The following GEN1 variants were observed in gnomAD, a reference collection of about 807,000 sequenced individuals.
GEN1 encodes the protein flap endonuclease GEN homolog 1.
In GEN1, 64 loss-of-function variants were observed where a neutral mutation model predicts 67.6. That is an observed-to-expected ratio of 0.95 (90% CI 0.77 to 1.17). GEN1 has a LOEUF of 1.17. Among genes scored for constraint, GEN1 ranks in the 50% most tolerant of loss-of-function variants. The pLI, the probability that GEN1 is intolerant of heterozygous loss-of-function variation, is 0.00. For missense variants in GEN1, 1,058 were observed against 1,048.3 expected, an observed-to-expected ratio of 1.01 and a Z score of -0.13; for synonymous variants, 371 against 359.4, an observed-to-expected ratio of 1.03 and a Z score of -0.37.
chr2:17,774,448 T>TC (rs778439235), intron 11 of GEN1, 47 bp downstream of exon 11: 1 of 1,462,718 alleles, frequency 6.8e-7, no homozygotes, highest in Non-Finnish European at 9.2e-7. Flanking sequence ...TACTTGAGTA[T>TC]TTTATAATTA....
intron 7 of GEN1, among the ~76,000 whole-genome samples, chr2:17,772,223 A>G (rs1030384010): frequency 6.6e-6 from 1 of 152,014 alleles, no homozygotes; most frequent in South Asian, 2.1e-4. Flanking sequence ...CTTTTAATAC[A>G]CTCGTTAAAG....
At chr2:17,769,903 A>G (rs2125139192) in intron 6 of GEN1, among the ~76,000 whole-genome samples, 1 of 152,294 alleles carries the variant, frequency 6.6e-6, no homozygotes, top group Non-Finnish European at 1.5e-5. Flanking sequence ...CGAGATGGCA[A>G]GTGCCTGAAA....
At chr2:17,779,183 A>G (rs1172587241) in intron 12 of GEN1, among the ~76,000 whole-genome samples, 1 of 152,210 alleles carries the variant, frequency 6.6e-6, no homozygotes, top group Non-Finnish European at 1.5e-5. Flanking sequence ...TCGGCCTCCC[A>G]AAGTGCTGGG....
chr2:17,763,697 CAAG>C (rs1273125781), intron 3 of GEN1, among the ~76,000 whole-genome samples: 1 of 152,164 alleles, frequency 6.6e-6, no homozygotes, highest in African/African-American at 2.4e-5. Context: ...GCAAATAGTA[CAAG>C]AAGTTGAAAT....
intron 3 of GEN1, among the ~76,000 whole-genome samples, chr2:17,763,406 C>T (rs1403366534): frequency 6.6e-6 from 1 of 152,182 alleles, no homozygotes; most frequent in Non-Finnish European, 1.5e-5. Flanking sequence ...AAGAAAATTG[C>T]TCCATTCCTG....
At chr2:17,766,790 C>A (rs533211387) in intron 5 of GEN1, 101 bp downstream of exon 5, 6 of 585,496 alleles carry the variant, frequency 1.0e-5, no homozygotes, top group Middle Eastern at 2.6e-4. Flanking sequence ...GATTAAAAAT[C>A]GAATTTAAAA....
rs1041642610 is a variant in GEN1, at chr2:17,782,652, A to G, written c.*713A>G. ...TGTATCCCCAGAAGTTCACAGGTAT[A>G]TCGGGTGGAAAAAGATTTGGAAAAT... On this transcript the variant is annotated 3_prime_UTR_variant, in exon 14 of 14. Coordinates refer to ENST00000381254, the MANE Select transcript of GEN1 (RefSeq NM_001130009.3). The G allele has an allele frequency of 1.3e-5, 2 of 152,236 alleles. No homozygotes were observed. Among genetic ancestry groups the G allele is most frequent in the East Asian group, 3.8e-4 (2 of 5,204 alleles). 9.4% of individuals were successfully genotyped at this position (152,236 alleles called of 1,614,324 possible).
At chr2:17,775,331 ACAAAT>A (rs371629228) in intron 11 of GEN1, among the ~76,000 whole-genome samples, 45 of 152,370 alleles carry the variant, frequency 3.0e-4, no homozygotes, top group African/African-American at 6.3e-4. Flanking sequence ...GATTTGGAAG[ACAAAT>A]CAAGTCACAC....
intron 8 of GEN1, 64 bp from the exon 9 acceptor site, chr2:17,773,032 A>G: frequency 9.5e-7 from 1 of 1,051,250 alleles, no homozygotes; most frequent in Non-Finnish European, 1.4e-6. Context: ...AGATTGGCTG[A>G]GATGATTTCA....
chr2:17,755,912 G>A (rs1167008331), intron 1 of GEN1, among the ~76,000 whole-genome samples: 2 of 152,028 alleles, frequency 1.3e-5, no homozygotes, highest in Non-Finnish European at 2.9e-5. Context: ...TGATTTATGG[G>A]CACCATATGG....
At position 17,788,262 on chromosome 2, in the gene GEN1, A is replaced by G. The variant is rs1673119445; in HGVS notation, c.*6323A>G. 1.3e-5 allele frequency: 2 copies of G among 152,256 alleles called. No individual in the cohort carries two copies. The highest frequency in any genetic ancestry group is 6.5e-5 in the Admixed American group (1 of 15,290). 9.4% of individuals were successfully genotyped at this position (152,256 alleles called of 1,614,324 possible). On this transcript the variant is annotated 3_prime_UTR_variant, in exon 14 of 14. Transcript: ENST00000381254. ...ACCAAGCAAAGCTTTTATCAGGCTC[A>G]GCTAACAGCTTGCATTAGCCTCTTT... is the stretch of plus-strand genomic sequence containing the variant.
In GEN1 at chr2:17,781,554, T is replaced by A. The variant is rs774876385; in HGVS notation, c.2342T>A (p.Val781Asp). 1 of 1,613,936 alleles carries A rather than the reference T, an allele frequency of 6.2e-7. No homozygotes were observed. The highest frequency in any genetic ancestry group is 1.7e-5 in the Admixed American group (1 of 60,028). ...ACTGCTTTAGATCATAGTAGAAAAGTTGATATGCAAACCACTCGGAAAATT... is the reference window on the plus strand; with the variant it reads ...ACTGCTTTAGATCATAGTAGAAAAGATGATATGCAAACCACTCGGAAAATT... ...PNTALDHSRK[V>D]DMQTTRKILM... Residue 781 changes from valine to aspartate, a missense_variant, in exon 14 of 14, where the codon GTT (valine) becomes GAT (aspartate). By Grantham distance (152) the Val-to-Asp change is radical (BLOSUM62 -3). Coordinates refer to ENST00000381254, the MANE Select transcript of GEN1 (RefSeq NM_001130009.3).
rs975651632 is a variant in GEN1 at position 17,782,977 on chromosome 2, A to C, written c.*1038A>C. On this transcript the variant is annotated 3_prime_UTR_variant, in exon 14 of 14. Coordinates refer to ENST00000381254, the MANE Select transcript of GEN1 (RefSeq NM_001130009.3). ...TCAAAAATTCTAAGAAATCCACTAGAAAACTATTAAAACTGATAAAGCGAG... is the reference window on the plus strand; with the variant it reads ...TCAAAAATTCTAAGAAATCCACTAGCAAACTATTAAAACTGATAAAGCGAG... 4.6e-5 allele frequency: 7 copies of C among 152,196 alleles called. No homozygotes were observed. Among genetic ancestry groups the C allele is most frequent in the African/African-American group, 1.7e-4 (7 of 41,436 alleles). The allele number at this position is 152,196 out of a possible 1,614,324, so 9.4% of individuals were successfully genotyped here.
intron 11 of GEN1, among the ~76,000 whole-genome samples, chr2:17,775,364 C>G (rs965527859): frequency 6.6e-6 from 1 of 152,188 alleles, no homozygotes; most frequent in Non-Finnish European, 1.5e-5. Flanking sequence ...ATCTCAAAGA[C>G]TCTCATATAA....
intron 5 of GEN1, among the ~76,000 whole-genome samples, chr2:17,767,099 G>T (rs1208940058): frequency 1.3e-5 from 2 of 151,988 alleles, no homozygotes; most frequent in African/African-American, 4.8e-5. Flanking sequence ...TATTACTGTT[G>T]CTAAGTCACG....
At position 17,761,057 on chromosome 2, in the gene GEN1, C is replaced by G. The variant is rs369269178; in HGVS notation, c.162-339C>G. Among the ~76,000 whole-genome samples the G allele has an allele frequency of 2.6e-4, 40 of 152,094 alleles. No homozygotes were observed. In the East Asian group the frequency reaches 6.8e-3, roughly 26 times the overall value. ...ACCAGCCTGGGCAACATGGTGAAAC[C>G]CCATCTCTACAAAAAATACAGAAAA... On this transcript the variant is annotated intron_variant, in intron 2 of 13. Transcript: ENST00000381254.
chr2:17,774,371 G>A lies in GEN1; in HGVS notation c.1172G>A (p.Ser391Asn), dbSNP rs1488264734. The change falls in exon 11 of 14, where the codon AGC becomes AAC. Residue 391 changes from serine (S) to asparagine (N), a missense_variant. By Grantham distance (46) the Ser-to-Asn change is conservative. Coordinates refer to ENST00000381254, the MANE Select transcript of GEN1 (RefSeq NM_001130009.3). ...HYDMIERKLG[S>N]RNSNQLQPIR... ...GACATGATAGAAAGAAAGCTTGGTAGCAGAAACTCTAATCAACTACAGCCA... is the reference window on the plus strand; with the variant it reads ...GACATGATAGAAAGAAAGCTTGGTAACAGAAACTCTAATCAACTACAGCCA... The A allele has an allele frequency of 6.2e-7, 1 of 1,605,288 alleles. No homozygotes were observed.
rs1258499781 is a variant in GEN1 at position 17,781,270 on chromosome 2, G to T, written c.2058G>T (p.Gln686His). 7 of 1,613,550 alleles carry T rather than the reference G, an allele frequency of 4.3e-6. No homozygotes were observed. Among genetic ancestry groups the T allele is most frequent in the East Asian group, 4.5e-5 (2 of 44,854 alleles). Residue 686 changes from glutamine to histidine, a missense_variant, in exon 14 of 14, where the codon CAG becomes CAT. By Grantham distance (24) the Gln-to-His change is conservative. Transcript: ENST00000381254. ...ERIFTKLSYPQDNLQPDVNLK... is the reference protein window; with the variant it reads ...ERIFTKLSYPHDNLQPDVNLK... ...TATTTACAAAATTATCATATCCTCA[G>T]GATAATCTACAACCAGATGTCAACC...
At chr2:17,765,112 AAC>A in intron 4 of GEN1, 39 bp downstream of exon 4, 1 of 1,591,022 alleles carries the variant, frequency 6.3e-7, no homozygotes, top group Non-Finnish European at 8.6e-7. Context: ...TTTGTTTACG[AAC>A]TACCTTTTTT....
Sources: allele counts gnomAD v4.1 joint callset (sites outside exome capture counted in the v4.1 genomes callset), GRCh38; gene constraint gnomAD v4.1.1; transcripts MANE v1.5; gene names NCBI Gene and HGNC (gene_info 2026-07-23, HGNC 2026-07-21).